Variants in ATAD2 observed in about 807,000 individuals in gnomAD.
ATAD2 encodes ATPase family AAA domain containing 2.
A neutral mutation model predicts 168.9 loss-of-function variants in ATAD2; 62 were observed. That is an observed-to-expected ratio of 0.37 (90% CI 0.30 to 0.45). The LOEUF is 0.45. Among genes scored for constraint, ATAD2 ranks in the 20% least tolerant of loss-of-function variants. The probability of loss-of-function intolerance (pLI) is 1.00; values close to 1 mark genes in which losing one functional copy is unlikely to be tolerated. For missense variants in ATAD2, 1,419 were observed against 1,667.8 expected (o/e 0.85, Z 2.60); for synonymous variants, 613 against 571.6 (o/e 1.07, Z -1.03).
At position 123,346,237 on chromosome 8, in the gene ATAD2, C is replaced by T; in HGVS notation, c.2381G>A (p.Arg794Lys). 1 of 1,607,954 alleles carries T rather than the reference C, an allele frequency of 6.2e-7. No individual in the cohort carries two copies. Among genetic ancestry groups the T allele is most frequent in the Non-Finnish European group, 8.5e-7 (1 of 1,178,306 alleles). The change falls in exon 18 of 28, where the codon AGA becomes AAA. Residue 794 changes from arginine (R) to lysine (K), a missense_variant. By Grantham distance (26) the Arg-to-Lys change is conservative. Coordinates refer to ENST00000287394, the MANE Select transcript of ATAD2 (RefSeq NM_014109.4). The stretch of plus-strand genomic sequence containing the variant: ...TCCTGGTTCTCCTACTATCAATATT[C>T]TTGGTCGAAAAGACATAGGTTGGTA... ...ACYQPMSFRP[R>K]ILIVGEPGFG...
intron 24 of ATAD2, among the ~76,000 whole-genome samples, chr8:123,328,887 G>C (rs941217051): frequency 7.1e-6 from 1 of 140,096 alleles, no homozygotes; most frequent in Non-Finnish European, 1.5e-5. Flanking sequence ...TGCAAGCTCT[G>C]CCTCCCGGGT....
upstream of ATAD2, chr8:123,400,811 C>A: frequency 2.0e-6 from 2 of 1,007,132 alleles, no homozygotes; most frequent in Non-Finnish European, 3.1e-6. This position sits in a 1 kb window ranked among gnomAD's most constrained non-coding sequence, Gnocchi z 4.5. Context: ...GGCAACATGG[C>A]CATCACGATG....
intron 4 of ATAD2, 21 bp from the exon 5 acceptor site, chr8:123,371,359 T>C (rs1332390371): frequency 1.3e-6 from 2 of 1,551,116 alleles, no homozygotes; most frequent in South Asian, 1.3e-5. Flanking sequence ...AAGATATAAA[T>C]GTAAGTGAAA....
chr8:123,357,065 T>C (rs1019647582), intron 12 of ATAD2, among the ~76,000 whole-genome samples: 2 of 152,180 alleles, frequency 1.3e-5, no homozygotes, highest in African/African-American at 4.8e-5. Context: ...TTTAGCAAGA[T>C]GCCACAGTTT....
At chr8:123,378,699 C>T (rs1241207815) in intron 2 of ATAD2, among the ~76,000 whole-genome samples, 5 of 9,078 alleles carry the variant, frequency 5.5e-4, no homozygotes, top group Non-Finnish European at 1.1e-3. Flanking sequence ...AAGACTGTGT[C>T]TCAAAAAAAA....
At chr8:123,406,672 C>T (rs1306002232) in intron 1 of ATAD2, among the ~76,000 whole-genome samples, 1 of 151,718 alleles carries the variant, frequency 6.6e-6, no homozygotes, top group Non-Finnish European at 1.5e-5. Context: ...CAGAAATTAG[C>T]CGGGCGTTGT....
At chr8:123,336,949 C>T (rs1827932737) in intron 21 of ATAD2, among the ~76,000 whole-genome samples, 1 of 150,460 alleles carries the variant, frequency 6.6e-6, no homozygotes, top group Non-Finnish European at 1.5e-5. Context: ...TGAGACTAGG[C>T]TGGGCAACAC....
At chr8:123,337,046 C>G (rs1586861864) in intron 21 of ATAD2, among the ~76,000 whole-genome samples, 2 of 136,762 alleles carry the variant, frequency 1.5e-5, no homozygotes, top group Non-Finnish European at 1.5e-5. Flanking sequence ...GGCCTCAACC[C>G]TTACTACAAA....
Position 123,389,442 on chromosome 8 carries a change from A to G in ATAD2, c.171+6745T>C, listed in dbSNP as rs914120759. 6.0e-5 allele frequency among the ~76,000 whole-genome samples: 9 copies of G among 150,030 alleles called. No homozygotes were observed. The East Asian group carries it at 8.2e-4, about 14-fold the overall frequency. Reference sequence around the variant, plus strand: ...ATCACGAAGTCGGGAGATTGAGACCATCCTGGCTATCACGGTGAAAACCCA... The same window carrying G: ...ATCACGAAGTCGGGAGATTGAGACCGTCCTGGCTATCACGGTGAAAACCCA... On this transcript the variant is annotated intron_variant, in intron 1 of 27. Coordinates refer to ENST00000287394, the MANE Select transcript of ATAD2 (RefSeq NM_014109.4).
chr8:123,345,899 T>C lies in ATAD2; in HGVS notation c.2532+187A>G, dbSNP rs145848776. 4.1e-3 allele frequency among the ~76,000 whole-genome samples: 626 copies of C among 152,280 alleles called. 4 individuals are homozygous for C. Among genetic ancestry groups the C allele is most frequent in the Middle Eastern group, 0.014 (4 of 294 alleles). On this transcript the variant is annotated intron_variant, in intron 18 of 27. Coordinates refer to ENST00000287394, the MANE Select transcript of ATAD2 (RefSeq NM_014109.4). ...AACAACTTTACTAAGGTCACAAAGATATTAAGGGTGAATGTGGGATTTAAA... is the reference window on the plus strand; with the variant it reads ...AACAACTTTACTAAGGTCACAAAGACATTAAGGGTGAATGTGGGATTTAAA...
At chr8:123,415,802 C>T (rs934046648) in intron 1 of ATAD2, among the ~76,000 whole-genome samples, 1 of 152,136 alleles carries the variant, frequency 6.6e-6, no homozygotes, top group Non-Finnish European at 1.5e-5. Context: ...ACCATGTTGG[C>T]CAGGCTCGTC....
At chr8:123,346,407 G>T in intron 17 of ATAD2, 135 bp from the exon 18 acceptor site, 1 of 1,024,172 alleles carries the variant, frequency 9.8e-7, no homozygotes, top group Non-Finnish European at 1.4e-6. Flanking sequence ...GGTTCACATA[G>T]TTTCTGGAAA....
At chr8:123,393,056 T>C (rs4871358) in intron 1 of ATAD2, among the ~76,000 whole-genome samples, 150,938 of 152,076 alleles carry the variant, frequency 0.99, 74,908 homozygotes, top group East Asian at 1. Flanking sequence ...TGTTGGCGGG[T>C]GCCTGTAGTC....
chr8:123,384,046 A>T (rs982203313), intron 1 of ATAD2, among the ~76,000 whole-genome samples: 1 of 151,682 alleles, frequency 6.6e-6, no homozygotes, highest in Non-Finnish European at 1.5e-5. Flanking sequence ...ATGCCACTGC[A>T]CTGCAGCCTG....
chr8:123,337,836 A>C lies in ATAD2; in HGVS notation c.2855-15T>G. 1 of 1,574,474 alleles carries C rather than the reference A, an allele frequency of 6.4e-7. No individual in the cohort carries two copies. Among genetic ancestry groups the C allele is most frequent in the East Asian group, 2.3e-5 (1 of 43,968 alleles). ...AGCCTGCAAAACTTCACATGAATGG[A>C]AGAATTTAGTTACTGCTCCTCCATA... On this transcript the variant is annotated splice_polypyrimidine_tract_variant and intron_variant, in intron 20 of 27. Coordinates refer to ENST00000287394, the MANE Select transcript of ATAD2 (RefSeq NM_014109.4).
intron 1 of ATAD2, among the ~76,000 whole-genome samples, chr8:123,389,960 T>TA (rs1554647645): frequency 4.3e-5 from 4 of 94,060 alleles, no homozygotes; most frequent in African/African-American, 7.4e-5. Context: ...TACTATTATT[T>TA]TATATATATA....
Position 123,349,347 on chromosome 8 carries a change from G to T in ATAD2, c.1744C>A (p.Pro582Thr). 6.2e-7 allele frequency: 1 copy of T among 1,614,020 alleles called. No homozygotes were observed. The highest frequency in any genetic ancestry group is 1.7e-5 in the Admixed American group (1 of 60,010). The change falls in exon 14 of 28, where the codon CCT becomes ACT. Residue 582 changes from proline to threonine, a missense_variant. Physicochemically the swap from Pro to Thr is conservative, Grantham distance 38. Around this residue, in one of 5 missense-constraint regions of ATAD2, gnomAD observed 545 missense variants for 724.9 expected, o/e 0.75. Transcript: ENST00000287394. ...GATNRLDSIDPALRRPGRFDR... is the reference protein window; with the variant it reads ...GATNRLDSIDTALRRPGRFDR... ...AAGCGACCAGGCCTTCGTAAAGCAG[G>T]ATCTATAGAATCTAGCCTGTTCGTA...
chr8:123,346,738 G>A lies in ATAD2; in HGVS notation c.2225C>T (p.Pro742Leu). Residue 742 changes from proline to leucine, a missense_variant, in exon 17 of 28, where the codon CCT (proline) becomes CTT (leucine). Physicochemically the swap from Pro to Leu is moderately conservative, Grantham distance 98. Around this residue, in one of 5 missense-constraint regions of ATAD2, gnomAD observed 545 missense variants for 724.9 expected, o/e 0.75. Transcript: ENST00000287394. ...GTAAGCCAAGTCACTTTCTAGCAGA[G>A]GACAAGAAATATCTATAAAACCAAA... ...NKTLDSDISC[P>L]LLESDLAYSD... is the part of the protein sequence containing the mutation. 6.3e-7 allele frequency: 1 copy of A among 1,584,244 alleles called. No individual in the cohort carries two copies. Among genetic ancestry groups the A allele is most frequent in the Non-Finnish European group, 8.5e-7 (1 of 1,171,774 alleles).
chr8:123,409,494 C>T (rs1307850950), intron 1 of ATAD2, among the ~76,000 whole-genome samples: 1 of 151,942 alleles, frequency 6.6e-6, no homozygotes, highest in Non-Finnish European at 1.5e-5. Context: ...TTTGTTTTGC[C>T]AATTTGTTTT....
Sources: allele counts gnomAD v4.1 joint callset (sites outside exome capture counted in the v4.1 genomes callset), GRCh38; gene constraint gnomAD v4.1.1; regional missense constraint gnomAD v4.1.1; non-coding constraint Gnocchi (gnomAD v3.1); transcripts MANE v1.5; gene names NCBI Gene and HGNC (gene_info 2026-07-23, HGNC 2026-07-21).